RCN2: variants seen among roughly 807,000 people sequenced by gnomAD.
The protein encoded by RCN2 is reticulocalbin 2.
Under a neutral mutation model 37.5 loss-of-function variants are expected in RCN2, and 23 were observed. The ratio of observed to expected loss-of-function variants is 0.61; its 90% confidence interval spans 0.44 to 0.87. The LOEUF (loss-of-function observed/expected upper bound fraction) is 0.87, where lower values mean the gene tolerates loss of function less well. Among genes scored for constraint, RCN2 ranks in the 40% least tolerant of loss-of-function variants. The pLI, the probability that RCN2 is intolerant of heterozygous loss-of-function variation, is 0.00. For missense variants in RCN2, 381 were observed against 390.4 expected, an observed-to-expected ratio of 0.98 and a Z score of 0.20; for synonymous variants, 140 against 144.6, an observed-to-expected ratio of 0.97 and a Z score of 0.23.
At chr15:76,945,847 T>G (rs1425800251) in intron 4 of RCN2, among the ~76,000 whole-genome samples, 7 of 152,214 alleles carry the variant, frequency 4.6e-5, no homozygotes, top group Non-Finnish European at 7.3e-5. Flanking sequence ...GCTTCTAATT[T>G]CTCATTGGCA....
intron 3 of RCN2, chr15:76,943,480 G>C (rs2075283483): frequency 3.7e-6 from 1 of 268,662 alleles, no homozygotes; most frequent in South Asian, 1.3e-4. Context: ...TTTTATCCCA[G>C]TTTGATAGAT....
At chr15:76,948,839 A>G (rs1344932268) in intron 6 of RCN2, 4 of 554,488 alleles carry the variant, frequency 7.2e-6, no homozygotes, top group Non-Finnish European at 9.4e-6. Flanking sequence ...GCCTTGATAT[A>G]TCCTGGATTG....
rs113556576 is a variant in RCN2 at position 76,940,694 on chromosome 15, A to T, written c.448-3064A>T. The stretch of plus-strand genomic sequence containing the variant: ...CTCCTGAGTAGCTGGGACTATAGGC[A>T]CGTGCCACCATACCTGGCTGATTTT... On this transcript the variant is annotated intron_variant, in intron 3 of 6. Transcript: ENST00000394885. Among the ~76,000 whole-genome samples the T allele has an allele frequency of 1.7e-3, 261 of 151,294 alleles. 2 individuals carry two copies. The highest frequency in any genetic ancestry group is 5.6e-3 in the African/African-American group (233 of 41,262).
rs1370411883 is a variant in RCN2, at chr15:76,952,499, A to G, written c.*3277A>G. 2 of 152,250 alleles carry G rather than the reference A, an allele frequency of 1.3e-5. No homozygotes were observed. The highest frequency in any genetic ancestry group is 1.5e-5 in the Non-Finnish European group (1 of 68,044). The allele number at this position is 152,250 out of a possible 1,614,324, so 9.4% of individuals were successfully genotyped here. On this transcript the variant is annotated 3_prime_UTR_variant, in exon 7 of 7. Transcript: ENST00000394885. ...AGTTCGGTGGTATGGTATTAAATACAGTCAAAATGTGAAACTATTACCACC... is the reference window on the plus strand; with the variant it reads ...AGTTCGGTGGTATGGTATTAAATACGGTCAAAATGTGAAACTATTACCACC...
chr15:76,953,694 G>A lies in RCN2; in HGVS notation c.*4472G>A, dbSNP rs1295797153. 4.4e-5 allele frequency: 6 copies of A among 134,932 alleles called. No individual in the cohort carries two copies. Among genetic ancestry groups the A allele is most frequent in the Admixed American group, 7.8e-5 (1 of 12,828 alleles). 8.4% of individuals were successfully genotyped at this position (134,932 alleles called of 1,614,324 possible). ...GCGATCTCGGCTCACTGCAGGCTCC[G>A]CCTCCCGGGTTCACACCATTCTCCT... is the stretch of plus-strand genomic sequence containing the variant. On this transcript the variant is annotated 3_prime_UTR_variant, in exon 7 of 7. Coordinates refer to ENST00000394885, the MANE Select transcript of RCN2 (RefSeq NM_002902.3).
chr15:76,948,754 T>C, intron 6 of RCN2: 1 of 546,058 alleles, frequency 1.8e-6, no homozygotes, highest in Non-Finnish European at 3.1e-6. Flanking sequence ...TGTATTAATT[T>C]GAGAGTACAG....
At chr15:76,948,065 G>A (rs907108514) in intron 5 of RCN2, 1 of 172,266 alleles carries the variant, frequency 5.8e-6, no homozygotes, top group African/African-American at 2.4e-5. Flanking sequence ...GCATTACTTT[G>A]TGAAAACATG....
At chr15:76,932,015 C>A (rs1411175045) in intron 1 of RCN2, 30 bp downstream of exon 1, 15 of 1,242,836 alleles carry the variant, frequency 1.2e-5, no homozygotes, top group Non-Finnish European at 1.5e-5. Flanking sequence ...GCTGGGAGGG[C>A]CGGGCCTCGC....
chr15:76,941,774 A>T lies in RCN2; in HGVS notation c.448-1984A>T, dbSNP rs1023235146. 2.1e-3 allele frequency: 1,200 copies of T among 566,734 alleles called. 1 individual carries two copies. Among genetic ancestry groups the T allele is most frequent in the Non-Finnish European group, 1.7e-3 (617 of 357,300 alleles). 35.1% of individuals were successfully genotyped at this position (566,734 alleles called of 1,614,324 possible). The stretch of plus-strand genomic sequence containing the variant: ...TACCCCCTTCACTTTTTTTTTTTTT[A>T]AAGAAATCTCAGCTTGTTGAAAGAG... On this transcript the variant is annotated intron_variant, in intron 3 of 6. Coordinates refer to ENST00000394885, the MANE Select transcript of RCN2 (RefSeq NM_002902.3).
intron 4 of RCN2, among the ~76,000 whole-genome samples, chr15:76,944,221 T>C (rs933843516): frequency 6.6e-6 from 1 of 151,898 alleles, no homozygotes; most frequent in African/African-American, 2.4e-5. Context: ...GACCTCGTGA[T>C]CCGCCCGCCT....
chr15:76,941,577 A>G, intron 3 of RCN2: 1 of 954,132 alleles, frequency 1.0e-6, no homozygotes. Flanking sequence ...TTTATATACA[A>G]GAAAAAAAAA....
rs543979157 is a variant in RCN2, at chr15:76,952,990, G to A, written c.*3768G>A. On this transcript the variant is annotated 3_prime_UTR_variant, in exon 7 of 7. Transcript: ENST00000394885. ...CTCTTGTCATCCAGGCTGGAGTGCA[G>A]TGGTGCGATCTCGGCTCACTGCAAC... The A allele has an allele frequency of 6.7e-6, 1 of 149,802 alleles. No homozygotes were observed. Among genetic ancestry groups the A allele is most frequent in the African/African-American group, 2.5e-5 (1 of 40,506 alleles). 9.3% of individuals were successfully genotyped at this position (149,802 alleles called of 1,614,324 possible). A position where few individuals can be genotyped will look rare whatever the true frequency, so the allele number is the denominator to read the frequency against.
At position 76,951,996 on chromosome 15, in the gene RCN2, A is replaced by C. The variant is rs2075322898; in HGVS notation, c.*2774A>C. ...CTAGCATATCATGTTTGCCTTACTT[A>C]GTTCTTTCCTTTGCAGTTTTAAAAA... On this transcript the variant is annotated 3_prime_UTR_variant, in exon 7 of 7. Coordinates refer to ENST00000394885, the MANE Select transcript of RCN2 (RefSeq NM_002902.3). 1 of 150,276 alleles carries C rather than the reference A, an allele frequency of 6.7e-6. No individual in the cohort carries two copies. The highest frequency in any genetic ancestry group is 6.8e-5 in the Admixed American group (1 of 14,770). The allele number at this position is 150,276 out of a possible 1,614,324, so 9.3% of individuals were successfully genotyped here. A position where few individuals can be genotyped will look rare whatever the true frequency, so the allele number is the denominator to read the frequency against.
At position 76,937,951 on chromosome 15, in the gene RCN2, TA is replaced by T. The variant is rs567006090; in HGVS notation, c.447+2233del. Among the ~76,000 whole-genome samples the T allele has an allele frequency of 4.6e-5, 7 of 152,300 alleles. No individual in the cohort carries two copies. The South Asian group carries it at 1.5e-3, about 32-fold the overall frequency. On this transcript the variant is annotated intron_variant, in intron 3 of 6. Transcript: ENST00000394885. ...TATTTCAAAGCTAATTTTAAAGAAT[TA>T]AAATCTTTTTTATAGGTACATGATA...
At chr15:76,936,813 T>C (rs1173267475) in intron 3 of RCN2, among the ~76,000 whole-genome samples, 3 of 152,314 alleles carry the variant, frequency 2.0e-5, no homozygotes, top group Middle Eastern at 3.4e-3. Flanking sequence ...AAATTGACCA[T>C]TGTAACCATT....
chr15:76,932,116 G>A, intron 1 of RCN2, 131 bp downstream of exon 1: 1 of 913,892 alleles, frequency 1.1e-6, no homozygotes. Flanking sequence ...GCCGGGCGGC[G>A]CGGCACTCGC....
chr15:76,941,858 C>G (rs995173480), intron 3 of RCN2: 6 of 430,814 alleles, frequency 1.4e-5, no homozygotes, highest in Admixed American at 8.0e-5. Context: ...AAACATGGAC[C>G]TTTTTGCTCC....
intron 3 of RCN2, chr15:76,938,731 A>G (rs537636259): frequency 2.4e-5 from 11 of 455,896 alleles, no homozygotes; most frequent in African/African-American, 8.0e-5. Context: ...TACAGCATCA[A>G]TGTGGAGGTT....
At chr15:76,948,646 A>T in intron 6 of RCN2, 94 bp downstream of exon 6, 1 of 1,267,396 alleles carries the variant, frequency 7.9e-7, no homozygotes, top group Non-Finnish European at 1.1e-6. Context: ...AAGCCAAAGA[A>T]AGAAGTAATG....
Sources: gnomAD v4.1 joint callset for allele counts (sites outside exome capture counted in the v4.1 genomes callset) on GRCh38, gnomAD v4.1.1 for gene constraint, MANE v1.5 for transcripts, NCBI Gene and HGNC (gene_info 2026-07-23, HGNC 2026-07-21) for gene names.